The following GPR35 variants were observed in gnomAD, a reference collection of about 807,000 sequenced individuals.
GPR35 encodes KYNA receptor.
For synonymous variants in GPR35, 207 were observed against 198.4 expected, an observed-to-expected ratio of 1.04 and a Z score of -0.36; for missense variants, 372 against 422.5, an observed-to-expected ratio of 0.88 and a Z score of 1.05.
rs2043439219 is a variant in GPR35, at chr2:240,630,859, T to A, written c.907T>A (p.Ser303Thr). 6.2e-7 allele frequency: 1 copy of A among 1,612,690 alleles called. No individual in the cohort carries two copies. The change falls in exon 2 of 2, where the codon TCT (serine) becomes ACT (threonine). Residue 303 changes from serine (S) to threonine (T), a missense_variant. Ser to Thr is a moderately conservative substitution (Grantham distance 58). Coordinates refer to ENST00000407714, the MANE Select transcript of GPR35 (RefSeq NM_005301.5). The stretch of plus-strand genomic sequence containing the variant: ...TGCTAAGGCCCACAAAAGCCAGGAC[T>A]CTCTGTGCGTGACCCTCGCCTAAGA... The part of the protein sequence containing the change: ...PSAKAHKSQD[S>T]LCVTLA
At chr2:240,629,428 C>G (rs1426684352) in intron 1 of GPR35, 1 of 154,906 alleles carries the variant, frequency 6.5e-6, no homozygotes, top group Non-Finnish European at 1.4e-5. Flanking sequence ...AGGGCTGATG[C>G]AGGTGTGGAG....
intron 2 of GPR35, among the ~76,000 whole-genome samples, chr2:240,608,219 CAT>C (rs1229124997): frequency 6.6e-6 from 1 of 152,214 alleles, no homozygotes; most frequent in African/African-American, 2.4e-5. Flanking sequence ...GATTATGTCA[CAT>C]GTGACCATAG....
At chr2:240,627,053 C>T (rs1271916877) in intron 1 of GPR35, among the ~76,000 whole-genome samples, 1 of 152,216 alleles carries the variant, frequency 6.6e-6, no homozygotes, top group Non-Finnish European at 1.5e-5. Context: ...TCCCCAAAGC[C>T]TCCTGGGCAG....
At chr2:240,625,937 G>A (rs1309210220) in intron 1 of GPR35, among the ~76,000 whole-genome samples, 8 of 119,240 alleles carry the variant, frequency 6.7e-5, no homozygotes, top group Non-Finnish European at 1.1e-4. Context: ...AGTGGGGTGA[G>A]GCTGTGATGG....
At chr2:240,613,488 G>T (rs940481892) in intron 2 of GPR35, among the ~76,000 whole-genome samples, 2 of 151,902 alleles carry the variant, frequency 1.3e-5, no homozygotes, top group African/African-American at 4.8e-5. Flanking sequence ...CCTAAACCTC[G>T]TGTGGCCTGG....
In GPR35 at chr2:240,630,403, C is replaced by G; in HGVS notation, c.451C>G (p.Arg151Gly). ...GCTGGTCATCGGCTCCCTGGTGGCT[C>G]GCTGGCTCCTGGGGATTCAGGAGGG... is the stretch of plus-strand genomic sequence containing the variant. ...WVLVIGSLVA[R>G]WLLGIQEGGF... The change falls in exon 2 of 2, where the codon CGC becomes GGC. Residue 151 changes from arginine (R) to glycine (G), a missense_variant. Arg to Gly is a moderately radical substitution (Grantham distance 125, BLOSUM62 -2). Transcript: ENST00000407714. The G allele has an allele frequency of 6.2e-7, 1 of 1,611,902 alleles. No individual in the cohort carries two copies. The highest frequency in any genetic ancestry group is 8.5e-7 in the Non-Finnish European group (1 of 1,179,870).
exon 4 of GPR35, chr2:240,617,239 C>T (rs2043248603): frequency 6.1e-6 from 4 of 658,452 alleles, no homozygotes; most frequent in South Asian, 1.8e-5. Context: ...CTCCTCGTAG[C>T]TGAGCCTTCT....
chr2:240,612,945 G>A (rs1011464433), intron 2 of GPR35, among the ~76,000 whole-genome samples: 25 of 152,218 alleles, frequency 1.6e-4, no homozygotes, highest in Admixed American at 6.5e-4. Context: ...CCAGGGGCGC[G>A]GACATAACCC....
At chr2:240,616,966 C>T (rs750502851) in intron 3 of GPR35, 6 of 773,898 alleles carry the variant, frequency 7.8e-6, no homozygotes, top group Non-Finnish European at 1.4e-5. Flanking sequence ...GAATGAAACT[C>T]TACCAACAGC....
intron 2 of GPR35, among the ~76,000 whole-genome samples, chr2:240,613,805 T>G (rs188218621): frequency 1.5e-5 from 2 of 136,866 alleles, no homozygotes; most frequent in African/African-American, 5.6e-5. Flanking sequence ...AACCCAAACC[T>G]TAACCCTAAC....
In GPR35 at chr2:240,630,979, A is replaced by G; in HGVS notation, c.*97A>G. 1 of 966,730 alleles carries G rather than the reference A, an allele frequency of 1.0e-6. No individual in the cohort carries two copies. The highest frequency in any genetic ancestry group is 1.6e-6 in the Non-Finnish European group (1 of 629,018). The allele number at this position is 966,730 out of a possible 1,614,324, so 59.9% of individuals were successfully genotyped here. ...AACCAGTAGCAAGGAGCCCGAGATCAGCCCTGAACTCACTGTGTATTCTCT... is the reference window on the plus strand; with the variant it reads ...AACCAGTAGCAAGGAGCCCGAGATCGGCCCTGAACTCACTGTGTATTCTCT... On this transcript the variant is annotated 3_prime_UTR_variant, in exon 2 of 2. Transcript: ENST00000407714.
chr2:240,616,650 G>A, intron 3 of GPR35: 1 of 658,892 alleles, frequency 1.5e-6, no homozygotes, highest in Non-Finnish European at 2.7e-6. Context: ...GCTGCCAAGA[G>A]ACCCCCCAGT....
At position 240,630,285 on chromosome 2, in the gene GPR35, C is replaced by A. The variant is rs142573812; in HGVS notation, c.333C>A (p.Ala111=). Reference sequence around the variant, plus strand: ...GCATCAGCCTGGTCACGGCCATCGCCGTGGACCGCTATGTGGCCGTGCGGC... The same window carrying A: ...GCATCAGCCTGGTCACGGCCATCGCAGTGGACCGCTATGTGGCCGTGCGGC... The part of the protein sequence containing the change: ...YMSISLVTAI[A]VDRYVAVRHP... The change falls in exon 2 of 2, where the codon GCC becomes GCA. Residue 111 remains alanine, a synonymous_variant. Transcript: ENST00000407714. The A allele has an allele frequency of 6.4e-7, 1 of 1,567,094 alleles. No individual in the cohort carries two copies. Among genetic ancestry groups the A allele is most frequent in the Non-Finnish European group, 8.6e-7 (1 of 1,161,474 alleles).
chr2:240,618,190 A>G (rs867718881), intron 4 of GPR35, among the ~76,000 whole-genome samples: 1 of 152,322 alleles, frequency 6.6e-6, no homozygotes, highest in African/African-American at 2.4e-5. Context: ...TCCCACACCA[A>G]AAATCTCAAA....
chr2:240,631,096 C>G lies in GPR35; in HGVS notation c.*214C>G, dbSNP rs954243866. On this transcript the variant is annotated 3_prime_UTR_variant, in exon 2 of 2. Transcript: ENST00000407714. ...AAGGGCAAGAGGACTGAGGCCAGAGCAAGGCCAATGTCAGAGACCCCCGGG... is the reference window on the plus strand; with the variant it reads ...AAGGGCAAGAGGACTGAGGCCAGAGGAAGGCCAATGTCAGAGACCCCCGGG... The G allele has an allele frequency of 5.0e-6, 3 of 596,808 alleles. No homozygotes were observed. 37.0% of individuals were successfully genotyped at this position (596,808 alleles called of 1,614,324 possible).
In GPR35 at chr2:240,625,578, G is replaced by C. The variant is rs904099664; in HGVS notation, c.-5+10G>C. 6 of 985,134 alleles carry C rather than the reference G, an allele frequency of 6.1e-6. No homozygotes were observed. The African/African-American group carries it at 8.7e-5, about 14-fold the overall frequency. The allele number at this position is 985,134 out of a possible 1,614,324, so 61.0% of individuals were successfully genotyped here. On this transcript the variant is annotated intron_variant, in intron 1 of 1. Coordinates refer to ENST00000407714, the MANE Select transcript of GPR35 (RefSeq NM_005301.5). The stretch of plus-strand genomic sequence containing the variant: ...CCAAAGCTGCCTGCAGGTCAGTGCC[G>C]CCCACTGCCCTAGGGGCCTCCCAGC...
At chr2:240,626,982 C>T (rs368909182) in intron 1 of GPR35, among the ~76,000 whole-genome samples, 1 of 152,134 alleles carries the variant, frequency 6.6e-6, no homozygotes, top group Non-Finnish European at 1.5e-5. Flanking sequence ...GTGCAGAAGC[C>T]GAGGGTGACC....
chr2:240,621,977 C>A (rs2043300893), upstream of GPR35, among the ~76,000 whole-genome samples: 1 of 152,102 alleles, frequency 6.6e-6, no homozygotes, highest in African/African-American at 2.4e-5. Context: ...GGCTCAGGTG[C>A]TCCTCCCGCC....
intron 1 of GPR35, among the ~76,000 whole-genome samples, chr2:240,625,990 G>A (rs2043370071): frequency 1.0e-5 from 1 of 98,686 alleles, no homozygotes; most frequent in African/African-American, 3.2e-5. Context: ...CTCAGAGCAG[G>A]GTGAGGCTGT....
Sources: gnomAD v4.1 joint callset for allele counts (sites outside exome capture counted in the v4.1 genomes callset) on GRCh38, gnomAD v4.1.1 for gene constraint, MANE v1.5 for transcripts, NCBI Gene and HGNC (gene_info 2026-07-23, HGNC 2026-07-21) for gene names.